Variants in MSH4 observed in about 807,000 individuals in gnomAD.
MSH4 encodes the protein mutS protein homolog 4.
In MSH4, 106 loss-of-function variants were observed where a neutral mutation model predicts 113.7. The observed-to-expected ratio is 0.93, with a 90% confidence interval of 0.80 to 1.10. The LOEUF (loss-of-function observed/expected upper bound fraction) is 1.10, where lower values mean the gene tolerates loss of function less well. Ranked by LOEUF, MSH4 falls within the 50% of genes least tolerant of loss-of-function variation. The pLI, the probability that MSH4 is intolerant of heterozygous loss-of-function variation, is 0.00. For missense variants in MSH4, 1,061 were observed against 1,093.7 expected, an observed-to-expected ratio of 0.97 and a Z score of 0.42; for synonymous variants, 368 against 380.2, an observed-to-expected ratio of 0.97 and a Z score of 0.37.
At chr1:75,857,207 G>T (rs552890476) in intron 8 of MSH4, among the ~76,000 whole-genome samples, 2 of 152,256 alleles carry the variant, frequency 1.3e-5, no homozygotes, top group Admixed American at 6.5e-5. Context: ...CGGATGGATA[G>T]ATTGCAAAAA....
intron 6 of MSH4, among the ~76,000 whole-genome samples, chr1:75,820,231 A>G (rs151335927): frequency 1.3e-5 from 2 of 152,342 alleles, no homozygotes; most frequent in East Asian, 3.9e-4. Context: ...TAACTGATCT[A>G]TAAAAGAAGT....
chr1:75,810,399 G>A (rs1044799772), intron 3 of MSH4, among the ~76,000 whole-genome samples: 3 of 146,704 alleles, frequency 2.0e-5, no homozygotes, highest in Admixed American at 7.0e-5. Flanking sequence ...CACCATGCTC[G>A]GGTAATTTTT....
chr1:75,864,586 A>G (rs1651523251), intron 8 of MSH4, among the ~76,000 whole-genome samples: 1 of 152,166 alleles, frequency 6.6e-6, no homozygotes. Context: ...TTTCCTATTA[A>G]TGAGGTTGAA....
At chr1:75,803,968 A>G (rs1649999168) in intron 2 of MSH4, 55 bp downstream of exon 2, 3 of 1,230,040 alleles carry the variant, frequency 2.4e-6, no homozygotes, top group Admixed American at 2.9e-5. Context: ...AAAGTTTTAT[A>G]AATTATAAAT....
intron 7 of MSH4, among the ~76,000 whole-genome samples, chr1:75,841,095 T>C (rs1435055619): frequency 6.6e-6 from 1 of 152,106 alleles, no homozygotes; most frequent in East Asian, 1.9e-4. Context: ...TTTTTGGATA[T>C]AGTGGTTAGG....
intron 15 of MSH4, among the ~76,000 whole-genome samples, chr1:75,887,609 T>C (rs12124417): frequency 0.28 from 41,899 of 151,972 alleles, 5,924 homozygotes; most frequent in Admixed American, 0.31. Flanking sequence ...CTCCATGTTA[T>C]AGATGAGTAA....
Position 75,797,152 on chromosome 1 carries a change from C to G in MSH4, c.167C>G (p.Thr56Arg), listed in dbSNP as rs372420838. 11 of 1,613,260 alleles carry G rather than the reference C, an allele frequency of 6.8e-6. No individual in the cohort carries two copies. The South Asian group carries it at 9.9e-5, about 15-fold the overall frequency. Residue 56 changes from threonine (T) to arginine (R), a missense_variant, in exon 1 of 20, where the codon ACG becomes AGG. Thr to Arg is a moderately conservative substitution (Grantham distance 71, BLOSUM62 -1). Transcript: ENST00000263187. ...QVVSASTCPG[T>R]SGAAGDRSSS... Reference sequence around the variant, plus strand: ...GTCTCTGCATCCACCTGTCCTGGCACGTCAGGAGCTGCGGGCGACCGGAGC... The same window carrying G: ...GTCTCTGCATCCACCTGTCCTGGCAGGTCAGGAGCTGCGGGCGACCGGAGC...
At chr1:75,843,897 C>T (rs893111765) in intron 7 of MSH4, among the ~76,000 whole-genome samples, 7 of 151,876 alleles carry the variant, frequency 4.6e-5, no homozygotes, top group South Asian at 2.1e-4. Flanking sequence ...CTGTAACCTC[C>T]GCCTCCCGGG....
At chr1:75,865,998 A>T (rs1459964840) in intron 8 of MSH4, among the ~76,000 whole-genome samples, 1 of 152,120 alleles carries the variant, frequency 6.6e-6, no homozygotes, top group Non-Finnish European at 1.5e-5. Flanking sequence ...TCGAGTGCCC[A>T]TATATATGTT....
rs1022719282 is a variant in MSH4, at chr1:75,817,024, G to T, written c.989+478G>T. 3.6e-4 allele frequency among the ~76,000 whole-genome samples: 55 copies of T among 152,070 alleles called. 1 individual carries two copies. The highest frequency in any genetic ancestry group is 3.6e-3 in the Admixed American group (55 of 15,242). On this transcript the variant is annotated intron_variant, in intron 6 of 19. Coordinates refer to ENST00000263187, the MANE Select transcript of MSH4 (RefSeq NM_002440.4). Reference sequence around the variant, plus strand: ...CTCAAACTCCTGGGCTCAAATGATTGTCCTGCCTCAGCCTCCAAGTAGCTG... The same window carrying T: ...CTCAAACTCCTGGGCTCAAATGATTTTCCTGCCTCAGCCTCCAAGTAGCTG...
chr1:75,802,872 GTC>G (rs1253689837), intron 1 of MSH4, among the ~76,000 whole-genome samples: 1 of 152,162 alleles, frequency 6.6e-6, no homozygotes, highest in Non-Finnish European at 1.5e-5. Context: ...TGCTGGTGGA[GTC>G]TCTGTAGAGT....
At chr1:75,874,724 A>G (rs1330407495) in intron 9 of MSH4, among the ~76,000 whole-genome samples, 2 of 152,156 alleles carry the variant, frequency 1.3e-5, no homozygotes, top group African/African-American at 4.8e-5. Context: ...TGCCTGGCAC[A>G]ACTTCTGGCC....
chr1:75,837,097 G>T (rs1477137168), intron 7 of MSH4, among the ~76,000 whole-genome samples: 8 of 152,118 alleles, frequency 5.3e-5, no homozygotes, highest in Admixed American at 4.6e-4. Flanking sequence ...TTAGGGGGTG[G>T]TTACACAAGG....
At chr1:75,841,165 C>G (rs1650950918) in intron 7 of MSH4, among the ~76,000 whole-genome samples, 1 of 147,314 alleles carries the variant, frequency 6.8e-6, no homozygotes, top group African/African-American at 2.5e-5. Context: ...CCTTCCCTCC[C>G]TCCCTCCCTC....
At chr1:75,911,974 A>C (rs1050181070) in intron 19 of MSH4, among the ~76,000 whole-genome samples, 5 of 152,158 alleles carry the variant, frequency 3.3e-5, no homozygotes, top group Non-Finnish European at 7.4e-5. Context: ...GTATATTTGC[A>C]GTCCTGAAGT....
intron 1 of MSH4, among the ~76,000 whole-genome samples, chr1:75,798,477 T>G (rs1237442118): frequency 6.6e-6 from 1 of 152,108 alleles, no homozygotes; most frequent in Non-Finnish European, 1.5e-5. Flanking sequence ...CAGACTTACT[T>G]CAGACTGTCT....
intron 9 of MSH4, among the ~76,000 whole-genome samples, chr1:75,874,390 G>A (rs1011732359): frequency 1.3e-5 from 2 of 152,002 alleles, no homozygotes; most frequent in Non-Finnish European, 2.9e-5. Flanking sequence ...ACAGTGGCAC[G>A]ATCATTGCAC....
In MSH4 at chr1:75,807,504, A is replaced by G. The variant is rs560501278; in HGVS notation, c.588+363A>G. ...CCAAATGCCATAATCCCGATGTTCAAATCTTGAAAGATCAAAATCCTTAAT... is the reference window on the plus strand; with the variant it reads ...CCAAATGCCATAATCCCGATGTTCAGATCTTGAAAGATCAAAATCCTTAAT... On this transcript the variant is annotated intron_variant, in intron 3 of 19. Transcript: ENST00000263187. Among the ~76,000 whole-genome samples the G allele has an allele frequency of 8.9e-4, 136 of 152,338 alleles. 1 individual carries two copies. Among genetic ancestry groups the G allele is most frequent in the African/African-American group, 3.2e-3 (134 of 41,576 alleles).
Position 75,889,240 on chromosome 1 carries a change from A to G in MSH4, c.2108-11A>G, listed in dbSNP as rs1557526473. On this transcript the variant is annotated splice_polypyrimidine_tract_variant and intron_variant, in intron 15 of 19. Transcript: ENST00000263187. ...ACACATTTCAGTTTATCTTGACCTTATATTTTACAGGATCATATGTTCCAG... is the reference window on the plus strand; with the variant it reads ...ACACATTTCAGTTTATCTTGACCTTGTATTTTACAGGATCATATGTTCCAG... 3.3e-6 allele frequency: 4 copies of G among 1,206,340 alleles called. No homozygotes were observed. In the African/African-American group the frequency reaches 4.6e-5, roughly 14 times the overall value. 74.7% of individuals were successfully genotyped at this position (1,206,340 alleles called of 1,614,324 possible). A position where few individuals can be genotyped will look rare whatever the true frequency, so the allele number is the denominator to read the frequency against.
Sources: allele counts gnomAD v4.1 joint callset (sites outside exome capture counted in the v4.1 genomes callset), GRCh38; gene constraint gnomAD v4.1.1; transcripts MANE v1.5; gene names NCBI Gene and HGNC (gene_info 2026-07-23, HGNC 2026-07-21).